Variants in TMEM236 observed in about 807,000 individuals in gnomAD.
TMEM236 encodes the protein transmembrane protein 236, also known as family with sequence similarity 23, member A.
TMEM236 carries 11 observed loss-of-function variants against 14.7 expected under a neutral mutation model. That is an observed-to-expected ratio of 0.75 (90% confidence interval 0.47 to 1.24). The LOEUF is 1.24. Among genes scored for constraint, TMEM236 ranks in the 50% most tolerant of loss-of-function variants. The pLI, the probability that TMEM236 is intolerant of heterozygous loss-of-function variation, is 0.00. For synonymous variants in TMEM236, 182 were observed against 168.6 expected, an observed-to-expected ratio of 1.08 and a Z score of -0.62; for missense variants, 464 against 427.3, an observed-to-expected ratio of 1.09 and a Z score of -0.76.
In TMEM236 at chr10:17,800,080, G is replaced by T. The variant is rs1286656733; in HGVS notation, c.*3576G>T. Reference sequence around the variant, plus strand: ...TTAGGTTGGTGCAAAAGTAATTGAGGTTTTTGCCATTGAAAGTGGTGGTGC... The same window carrying T: ...TTAGGTTGGTGCAAAAGTAATTGAGTTTTTTGCCATTGAAAGTGGTGGTGC... On this transcript the variant is annotated 3_prime_UTR_variant, in exon 4 of 4. Transcript: ENST00000377495. The T allele has an allele frequency of 6.6e-6, 1 of 151,766 alleles. No homozygotes were observed. The highest frequency in any genetic ancestry group is 6.6e-5 in the Admixed American group (1 of 15,190). The allele number at this position is 151,766 out of a possible 1,614,324, so 9.4% of individuals were successfully genotyped here.
At chr10:17,786,581 A>G (rs888630442) in intron 3 of TMEM236, among the ~76,000 whole-genome samples, 4 of 152,232 alleles carry the variant, frequency 2.6e-5, no homozygotes, top group Non-Finnish European at 4.4e-5. Context: ...GGTCCTATCT[A>G]GAAGAACACC....
intron 3 of TMEM236, 32 bp downstream of exon 3, chr10:17,776,202 A>T: frequency 6.3e-7 from 1 of 1,592,832 alleles, no homozygotes; most frequent in Non-Finnish European, 8.6e-7. Context: ...AATATTTTTT[A>T]AAGTTTGATA....
At chr10:17,763,391 A>G (rs920030545) in intron 1 of TMEM236, among the ~76,000 whole-genome samples, 106 of 152,170 alleles carry the variant, frequency 7.0e-4, no homozygotes, top group African/African-American at 2.5e-3. Flanking sequence ...AGGAGTTTGA[A>G]ACCAGCTTCA....
intron 1 of TMEM236, among the ~76,000 whole-genome samples, chr10:17,768,096 T>TG (rs1398393602): frequency 7.2e-6 from 1 of 139,726 alleles, no homozygotes; most frequent in Non-Finnish European, 1.5e-5. Flanking sequence ...GTTTTTTTTT[T>TG]TTTTTTTTTT....
chr10:17,790,098 C>G (rs1314987380), intron 3 of TMEM236, among the ~76,000 whole-genome samples: 1 of 152,062 alleles, frequency 6.6e-6, no homozygotes, highest in Non-Finnish European at 1.5e-5. Flanking sequence ...GGCGTCATAG[C>G]GCATGCCTGT....
chr10:17,770,623 TC>T (rs1216286109), intron 1 of TMEM236, among the ~76,000 whole-genome samples: 4 of 152,222 alleles, frequency 2.6e-5, no homozygotes, highest in African/African-American at 4.8e-5. Flanking sequence ...GACCTCGTGA[TC>T]CACCTGCCTT....
At chr10:17,784,038 C>T (rs1003687829) in intron 3 of TMEM236, among the ~76,000 whole-genome samples, 35 of 151,964 alleles carry the variant, frequency 2.3e-4, no homozygotes, top group Middle Eastern at 3.4e-3. Flanking sequence ...TCAGGGTTCT[C>T]ATTTGCCTTT....
chr10:17,784,665 C>G (rs2131760490), intron 3 of TMEM236, among the ~76,000 whole-genome samples: 1 of 152,044 alleles, frequency 6.6e-6, no homozygotes, highest in East Asian at 1.9e-4. Context: ...ATTAGTGATT[C>G]CCAGGTGATT....
At chr10:17,788,943 G>A (rs1837879200) in intron 3 of TMEM236, among the ~76,000 whole-genome samples, 2 of 152,202 alleles carry the variant, frequency 1.3e-5, no homozygotes, top group African/African-American at 4.8e-5. Flanking sequence ...ACAGGCAGTA[G>A]TAGTATACTG....
intron 1 of TMEM236, among the ~76,000 whole-genome samples, chr10:17,762,616 T>C (rs2461173): frequency 0.43 from 23,000 of 53,892 alleles, 4,079 homozygotes; most frequent in East Asian, 0.53. Context: ...TATATATATA[T>C]ATACACACAT....
chr10:17,760,382 A>G (rs1170955290), intron 1 of TMEM236, among the ~76,000 whole-genome samples: 3 of 151,928 alleles, frequency 2.0e-5, no homozygotes, highest in Admixed American at 6.6e-5. Flanking sequence ...AGTTCTGTAA[A>G]CATTAAGGAT....
At chr10:17,767,400 G>T (rs1030000450) in intron 1 of TMEM236, among the ~76,000 whole-genome samples, 16,739 of 152,200 alleles carry the variant, frequency 0.11, 1,047 homozygotes, top group Non-Finnish European at 0.15. Context: ...GGCAGAGGTT[G>T]CAGTGAGCTG....
At position 17,796,357 on chromosome 10, in the gene TMEM236, T is replaced by C; in HGVS notation, c.909T>C (p.Phe303=). ...TGCTGCAAGATTTACCATTCGTTTT[T>C]GTTAGACTTGGTTTAATCATTGCCC... The part of the protein sequence containing the change: ...SVLLQDLPFV[F]VRLGLIIALG... Residue 303 remains phenylalanine (F), a synonymous_variant, in exon 4 of 4, where the codon TTT becomes TTC. Coordinates refer to ENST00000377495, the MANE Select transcript of TMEM236 (RefSeq NM_001098844.3). 2 of 1,614,000 alleles carry C rather than the reference T, an allele frequency of 1.2e-6. No homozygotes were observed. Among genetic ancestry groups the C allele is most frequent in the Non-Finnish European group, 1.7e-6 (2 of 1,179,876 alleles).
intron 1 of TMEM236, among the ~76,000 whole-genome samples, chr10:17,768,086 GTTTTTTTTTTT>G (rs879036347): frequency 1.1e-5 from 1 of 92,022 alleles, no homozygotes; most frequent in African/African-American, 4.4e-5. Flanking sequence ...AATTTTTGTG[GTTTTTTTTTTT>G]TTTTTTTTTT....
chr10:17,771,235 A>G, intron 1 of TMEM236, 74 bp from the exon 2 acceptor site: 1 of 1,423,738 alleles, frequency 7.0e-7, no homozygotes, highest in South Asian at 1.1e-5. Context: ...CAGGAACTGC[A>G]AAATTAGCAA....
At chr10:17,782,742 C>T (rs1220913835) in intron 3 of TMEM236, among the ~76,000 whole-genome samples, 4 of 152,070 alleles carry the variant, frequency 2.6e-5, no homozygotes, top group African/African-American at 7.2e-5. Flanking sequence ...TGAGCCACCG[C>T]GCCAGGCCTC....
At chr10:17,760,681 T>C (rs1351502481) in intron 1 of TMEM236, among the ~76,000 whole-genome samples, 2 of 152,190 alleles carry the variant, frequency 1.3e-5, no homozygotes, top group Non-Finnish European at 2.9e-5. Context: ...AATAAAGACA[T>C]ACCTGAGACT....
chr10:17,766,604 A>G (rs2131745621), intron 1 of TMEM236, among the ~76,000 whole-genome samples: 1 of 152,130 alleles, frequency 6.6e-6, no homozygotes, highest in South Asian at 2.1e-4. Flanking sequence ...CCCAGTCTCT[A>G]CTCATTCCTC....
At chr10:17,767,663 T>C (rs1296030236) in intron 1 of TMEM236, among the ~76,000 whole-genome samples, 1 of 152,154 alleles carries the variant, frequency 6.6e-6, no homozygotes, top group African/African-American at 2.4e-5. Flanking sequence ...GAGAAACAAT[T>C]TACATTGTTT....
Sources: gnomAD v4.1 joint callset for allele counts (sites outside exome capture counted in the v4.1 genomes callset) on GRCh38, gnomAD v4.1.1 for gene constraint, MANE v1.5 for transcripts, NCBI Gene and HGNC (gene_info 2026-07-23, HGNC 2026-07-21) for gene names.